Variants in ZBTB7C observed in about 807,000 individuals in gnomAD.
ZBTB7C encodes the protein zinc finger and BTB domain containing 7C.
A neutral mutation model predicts 25.7 loss-of-function variants in ZBTB7C; 8 were observed. The ratio of observed to expected loss-of-function variants is 0.31; its 90% CI spans 0.18 to 0.56. The LOEUF (loss-of-function observed/expected upper bound fraction) is 0.56. Ranked by LOEUF, ZBTB7C falls within the 20% of genes least tolerant of loss-of-function variation. The pLI, the probability that ZBTB7C is intolerant of heterozygous loss-of-function variation, is 0.91. For synonymous variants in ZBTB7C, 394 were observed against 369.0 expected, an observed-to-expected ratio of 1.07 and a Z score of -0.78; for missense variants, 824 against 855.2, an observed-to-expected ratio of 0.96 and a Z score of 0.46.
At chr18:48,262,906 G>C (rs2044211555) in intron 2 of ZBTB7C, among the ~76,000 whole-genome samples, 1 of 152,138 alleles carries the variant, frequency 6.6e-6, no homozygotes, top group Admixed American at 6.5e-5. Context: ...AAGAGCACTG[G>C]CTGGGCCTCA....
chr18:48,393,350 T>C (rs1357517566), intron 1 of ZBTB7C, among the ~76,000 whole-genome samples: 1 of 150,022 alleles, frequency 6.7e-6, no homozygotes, highest in East Asian at 2.0e-4. Flanking sequence ...GATGACGCAC[T>C]TGCCCGGGCA....
Position 48,293,590 on chromosome 18 carries a change from C to T in ZBTB7C, c.-79+44584G>A, listed in dbSNP as rs1045020279. On this transcript the variant is annotated intron_variant, in intron 2 of 4. Transcript: ENST00000590800. ...TTCAAAATGGCTCCCCAAATAGGCG[C>T]GATGGTAATTAGAATAAAAGCAGTC... Among the ~76,000 whole-genome samples, 8 of 151,986 alleles carry T rather than the reference C, an allele frequency of 5.3e-5. No individual in the cohort carries two copies. In the South Asian group the frequency reaches 6.2e-4, roughly 12 times the overall value.
chr18:48,306,308 A>G (rs1021538646), intron 2 of ZBTB7C, among the ~76,000 whole-genome samples: 3 of 152,180 alleles, frequency 2.0e-5, no homozygotes, highest in African/African-American at 7.2e-5. Context: ...AGTTTGCAGA[A>G]CACCAGCTAC....
At chr18:48,388,362 C>T (rs567071793) in intron 1 of ZBTB7C, among the ~76,000 whole-genome samples, 4 of 152,002 alleles carry the variant, frequency 2.6e-5, no homozygotes, top group South Asian at 2.1e-4. Flanking sequence ...TTCTCCCTAG[C>T]GAGGAATGTG....
At chr18:48,391,726 G>T (rs1009992739) in intron 1 of ZBTB7C, among the ~76,000 whole-genome samples, 1 of 152,154 alleles carries the variant, frequency 6.6e-6, no homozygotes, top group Admixed American at 6.5e-5. Context: ...TCCACCCCTA[G>T]AGTTTCTGAT....
Position 48,040,335 on chromosome 18 carries a change from T to C in ZBTB7C, c.773A>G (p.His258Arg). ...LSPFAPDFFP[H>R]LWPGDFGAFA... ...GGCACCGAAGTCCCCTGGCCAGAGG[T>C]GTGGAAAGAAGTCCGGGGCGAATGG... The change falls in exon 4 of 5, where the codon CAC (histidine) becomes CGC (arginine). Residue 258 changes from histidine to arginine, a missense_variant. This residue lies in a region of ZBTB7C where 316 missense variants were observed against 299.2 expected (regional missense o/e 1.06). Coordinates refer to ENST00000590800, the MANE Select transcript of ZBTB7C (RefSeq NM_001318841.2). 6 of 1,601,434 alleles carry C rather than the reference T, an allele frequency of 3.7e-6. No homozygotes were observed. Among genetic ancestry groups the C allele is most frequent in the Non-Finnish European group, 5.1e-6 (6 of 1,174,132 alleles).
intron 3 of ZBTB7C, among the ~76,000 whole-genome samples, chr18:48,156,566 C>T (rs1200951765): frequency 3.3e-5 from 5 of 152,180 alleles, no homozygotes; most frequent in Non-Finnish European, 5.9e-5. Flanking sequence ...ATACTACTCA[C>T]TTTCCATTGG....
intron 3 of ZBTB7C, among the ~76,000 whole-genome samples, chr18:48,168,197 T>G (rs963546371): frequency 2.4e-4 from 36 of 152,234 alleles, no homozygotes; most frequent in African/African-American, 8.0e-4. Flanking sequence ...CTGATTAAGC[T>G]GTCCTGGGCC....
At chr18:48,408,789 C>G (rs973263625) in intron 1 of ZBTB7C, 1 of 151,732 alleles carries the variant, frequency 6.6e-6, no homozygotes, top group Admixed American at 6.6e-5. Context: ...CAGGCGCCGC[C>G]GAGCCCCGGG....
At chr18:48,234,095 T>G (rs2043318640) in intron 2 of ZBTB7C, among the ~76,000 whole-genome samples, 1 of 151,880 alleles carries the variant, frequency 6.6e-6, no homozygotes, top group South Asian at 2.1e-4. Flanking sequence ...GCACCTAGAA[T>G]GCCCTCCCCT....
chr18:48,038,209 G>A lies in ZBTB7C; in HGVS notation c.1208+1691C>T, dbSNP rs536929189. Among the ~76,000 whole-genome samples, 105 of 152,156 alleles carry A rather than the reference G, an allele frequency of 6.9e-4. No individual in the cohort carries two copies. The Middle Eastern group carries it at 0.01, about 15-fold the overall frequency. On this transcript the variant is annotated intron_variant, in intron 4 of 4. Transcript: ENST00000590800. ...AGGGCGCCCTGCTGTCAGCATTGCCGGGTGGCTGGCCTAGCTCACTGCTAA... is the reference window on the plus strand; with the variant it reads ...AGGGCGCCCTGCTGTCAGCATTGCCAGGTGGCTGGCCTAGCTCACTGCTAA...
chr18:48,305,409 C>T (rs1208566350), intron 2 of ZBTB7C, among the ~76,000 whole-genome samples: 6 of 152,112 alleles, frequency 3.9e-5, no homozygotes, highest in East Asian at 1.9e-4. Context: ...GGCTTTGCTG[C>T]GGGCAAGCTA....
intron 3 of ZBTB7C, among the ~76,000 whole-genome samples, chr18:48,141,298 C>T (rs1377409996): frequency 2.0e-5 from 3 of 152,044 alleles, no homozygotes; most frequent in Non-Finnish European, 4.4e-5. Context: ...GATCTTGTGC[C>T]CCATTATCTA....
chr18:48,174,461 G>A (rs181715506), intron 3 of ZBTB7C, among the ~76,000 whole-genome samples: 1 of 152,342 alleles, frequency 6.6e-6, no homozygotes, highest in East Asian at 1.9e-4. Flanking sequence ...CAAGGTCGTG[G>A]GAAAACAGGA....
intron 3 of ZBTB7C, among the ~76,000 whole-genome samples, chr18:48,181,544 C>G (rs2041923384): frequency 6.6e-6 from 1 of 152,220 alleles, no homozygotes; most frequent in Non-Finnish European, 1.5e-5. Flanking sequence ...GAGCCCAAAG[C>G]TGCATGACAA....
chr18:48,029,557 T>A lies in ZBTB7C; in HGVS notation c.1563A>T (p.Ala521=), dbSNP rs779533098. The change falls in exon 5 of 5, where the codon GCA becomes GCT. Residue 521 remains alanine, a synonymous_variant. Coordinates refer to ENST00000590800, the MANE Select transcript of ZBTB7C (RefSeq NM_001318841.2). ...GGCTGGGGCCCGGGAGGCACACAGC[T>A]GCGCCGCCCAGGTGGCCGCCCACCT... ...LGEVGGHLGG[A]AVCLPGPSPA... is the part of the protein sequence containing the mutation. 6.5e-7 allele frequency: 1 copy of A among 1,532,240 alleles called. No homozygotes were observed. The highest frequency in any genetic ancestry group is 2.5e-5 in the East Asian group (1 of 40,778). 94.9% of individuals were successfully genotyped at this position (1,532,240 alleles called of 1,614,324 possible).
At chr18:48,389,232 CTCTCGTGTGTGTGTGTGTGTGTGTGTGT>C (rs2047832125) in intron 1 of ZBTB7C, among the ~76,000 whole-genome samples, 1 of 61,844 alleles carries the variant, frequency 1.6e-5, no homozygotes, top group African/African-American at 6.7e-5. Flanking sequence ...CTCTCTCTCT[CTCTCGTGTGTGTGTGTGTGTGTGTGTGT>C]GTGTGTGTGT....
chr18:48,295,404 C>T (rs2144711388), intron 2 of ZBTB7C, among the ~76,000 whole-genome samples: 1 of 152,246 alleles, frequency 6.6e-6, no homozygotes, highest in Non-Finnish European at 1.5e-5. Context: ...CCCTGGTGGC[C>T]TCTTCGTGGG....
intron 2 of ZBTB7C, among the ~76,000 whole-genome samples, chr18:48,244,436 T>C (rs2043620779): frequency 1.5e-5 from 2 of 133,374 alleles, no homozygotes; most frequent in Admixed American, 7.2e-5. Flanking sequence ...TAAATAAATA[T>C]AGATGGGACT....
Sources: allele counts gnomAD v4.1 joint callset (sites outside exome capture counted in the v4.1 genomes callset), GRCh38; gene constraint gnomAD v4.1.1; regional missense constraint gnomAD v4.1.1; transcripts MANE v1.5; gene names NCBI Gene and HGNC (gene_info 2026-07-23, HGNC 2026-07-21).